NBAS: variants seen among roughly 807,000 people sequenced by gnomAD.
NBAS encodes the protein NAG/BC035112 fusion.
NBAS carries 219 observed loss-of-function variants against 302.5 expected under a neutral mutation model. The ratio of observed to expected loss-of-function variants is 0.72; its 90% CI spans 0.65 to 0.81. NBAS has a LOEUF of 0.81. Ranked by LOEUF, NBAS falls within the 30% of genes least tolerant of loss-of-function variation. NBAS has a pLI of 0.00. For synonymous variants in NBAS, 1,118 were observed against 1,021.6 expected (o/e 1.09, Z -1.80); for missense variants, 2,932 against 2,841.6 (o/e 1.03, Z -0.72).
intron 51 of NBAS, among the ~76,000 whole-genome samples, chr2:15,172,747 T>C (rs1664354030): frequency 6.6e-6 from 1 of 152,164 alleles, no homozygotes; most frequent in East Asian, 1.9e-4. Flanking sequence ...GAGAAATAAA[T>C]ATGAGACAAG....
At chr2:15,461,831 C>A in intron 19 of NBAS, 40 bp from the exon 20 acceptor site, 1 of 1,159,784 alleles carries the variant, frequency 8.6e-7, no homozygotes, top group Non-Finnish European at 1.3e-6. Context: ...AATGAAAAGG[C>A]TTTTAAATAT....
At chr2:15,552,634 A>G (rs531406981) in intron 5 of NBAS, among the ~76,000 whole-genome samples, 13 of 152,168 alleles carry the variant, frequency 8.5e-5, no homozygotes, top group Admixed American at 5.9e-4. Flanking sequence ...AAACACCTGA[A>G]AAGTCCAGCT....
chr2:15,230,145 G>A (rs1421668612), intron 47 of NBAS, among the ~76,000 whole-genome samples: 1 of 152,082 alleles, frequency 6.6e-6, no homozygotes, highest in Non-Finnish European at 1.5e-5. Context: ...AGGTTAGGCT[G>A]TCATGTCATG....
chr2:15,388,029 T>C (rs1675395199), intron 28 of NBAS, among the ~76,000 whole-genome samples: 2 of 152,174 alleles, frequency 1.3e-5, no homozygotes, highest in South Asian at 4.1e-4. Flanking sequence ...TCTATACTTG[T>C]GCAACTCTCA....
chr2:15,555,519 G>A (rs1488289767), intron 3 of NBAS, among the ~76,000 whole-genome samples: 1 of 151,998 alleles, frequency 6.6e-6, no homozygotes, highest in Non-Finnish European at 1.5e-5. Context: ...ATAATTCTCA[G>A]TATGTTTATA....
At chr2:15,302,786 A>ACC (rs890006804) in intron 40 of NBAS, among the ~76,000 whole-genome samples, 1 of 152,204 alleles carries the variant, frequency 6.6e-6, no homozygotes, top group Non-Finnish European at 1.5e-5. Flanking sequence ...AGGCAGACCC[A>ACC]CCCTCAATGT....
intron 1 of NBAS, among the ~76,000 whole-genome samples, chr2:15,559,062 C>CAAAAAAAAAAAAAAAAAA: frequency 2.0e-5 from 1 of 50,414 alleles, no homozygotes; most frequent in Non-Finnish European, 3.5e-5. Context: ...GACCCTGCCT[C>CAAAAAAAAAAAAAAAAAA]AAAAAAAAAA....
At chr2:14,826,294 C>T in the NBAS span, among the ~76,000 whole-genome samples, 1 of 152,072 alleles carries the variant, frequency 6.6e-6, no homozygotes, top group Non-Finnish European at 1.5e-5. Flanking sequence ...TATTTGTTGG[C>T]ATCTTAAAAT....
Position 15,233,278 on chromosome 2 carries a change from T to A in NBAS, c.6147-767A>T, listed in dbSNP as rs1667454457. On this transcript the variant is annotated intron_variant, in intron 46 of 51. Coordinates refer to ENST00000281513, the MANE Select transcript of NBAS (RefSeq NM_015909.4). ...GAAGATTTAATTCACATTTATTGAA[T>A]GTCTTCTGTGTGCCAAGTATACCAT... Among the ~76,000 whole-genome samples, 3 of 152,228 alleles carry A rather than the reference T, an allele frequency of 2.0e-5. No individual in the cohort carries two copies. The South Asian group carries it at 6.2e-4, about 31-fold the overall frequency.
chr2:15,181,667 A>C (rs973804250), intron 50 of NBAS, among the ~76,000 whole-genome samples: 2 of 152,250 alleles, frequency 1.3e-5, no homozygotes, highest in African/African-American at 2.4e-5. Flanking sequence ...GCCCAGGCTT[A>C]GAGCCAGGCC....
intron 8 of NBAS, among the ~76,000 whole-genome samples, chr2:15,535,811 A>G (rs1309651023): frequency 6.6e-6 from 1 of 152,230 alleles, no homozygotes. Flanking sequence ...CCACAGATAC[A>G]GAGGGATGAC....
chr2:15,043,979 T>C, the NBAS span, among the ~76,000 whole-genome samples: 57 of 152,288 alleles, frequency 3.7e-4, no homozygotes, highest in African/African-American at 1.4e-3. Flanking sequence ...CATGGGCCAG[T>C]ACCTGGTACA....
intron 11 of NBAS, among the ~76,000 whole-genome samples, chr2:15,497,687 C>T (rs566986117): frequency 6.6e-6 from 1 of 152,244 alleles, no homozygotes; most frequent in Admixed American, 6.5e-5. Flanking sequence ...AACTGGGCTA[C>T]AGATGCCAGT....
intron 45 of NBAS, among the ~76,000 whole-genome samples, chr2:15,235,962 G>A (rs2147937440): frequency 6.6e-6 from 1 of 152,260 alleles, no homozygotes; most frequent in Admixed American, 6.5e-5. Flanking sequence ...AGCTTCATGA[G>A]GATATAAGTT....
intron 25 of NBAS, among the ~76,000 whole-genome samples, chr2:15,405,434 A>T (rs572088813): frequency 6.6e-6 from 1 of 152,278 alleles, no homozygotes; most frequent in East Asian, 1.9e-4. Context: ...ATAGTCTAAG[A>T]CACACTTTTT....
the NBAS span, among the ~76,000 whole-genome samples, chr2:14,864,485 T>C: frequency 2.0e-5 from 3 of 152,204 alleles, no homozygotes; most frequent in Admixed American, 6.5e-5. Context: ...CTCCCATTTC[T>C]AATAGCTGTT....
the NBAS span, among the ~76,000 whole-genome samples, chr2:14,790,847 T>C: frequency 1.3e-5 from 2 of 150,204 alleles, no homozygotes; most frequent in African/African-American, 2.5e-5. Flanking sequence ...ATGTGTGTTT[T>C]GTTTTGTTTT....
the NBAS span, among the ~76,000 whole-genome samples, chr2:14,885,389 A>G: frequency 2.0e-5 from 3 of 152,174 alleles, no homozygotes; most frequent in African/African-American, 4.8e-5. Context: ...GGTGGATAAT[A>G]TTATGTTTTC....
At chr2:15,501,914 C>T (rs961928637) in intron 11 of NBAS, among the ~76,000 whole-genome samples, 17 of 152,062 alleles carry the variant, frequency 1.1e-4, no homozygotes, top group African/African-American at 4.1e-4. Context: ...AGGTGTAAGC[C>T]ACCACGCCAG....
Sources: gnomAD v4.1 joint callset for allele counts (sites outside exome capture counted in the v4.1 genomes callset) on GRCh38, gnomAD v4.1.1 for gene constraint, MANE v1.5 for transcripts, NCBI Gene and HGNC (gene_info 2026-07-23, HGNC 2026-07-21) for gene names.